Variants in PKD1L3 observed in about 807,000 individuals in gnomAD.
The protein encoded by PKD1L3 is polycystin-1-like protein 3.
PKD1L3 carries 239 observed loss-of-function variants against 184.1 expected under a neutral mutation model. The ratio of observed to expected loss-of-function variants is 1.30; its 90% CI spans 1.17 to 1.45. The LOEUF is 1.45. PKD1L3 is among the 40% of genes most tolerant of loss of function. PKD1L3 has a pLI of 0.00. For missense variants in PKD1L3, 2,660 were observed against 2,067.2 expected (o/e 1.29, Z -5.56); for synonymous variants, 996 against 778.8 (o/e 1.28, Z -4.64).
chr16:71,937,356 C>G lies in PKD1L3; in HGVS notation c.4388G>C (p.Cys1463Ser). ...FTSLQMSKKG[C>S]VWSIISQVIY... ...GACTTGTGAGATGATAGACCAGACA[C>G]AGCCCTTCTTTGACATCTGAAGGGA... Residue 1463 changes from cysteine to serine, a missense_variant, in exon 25 of 30, where the codon TGT becomes TCT. Cys to Ser is a moderately radical substitution (Grantham distance 112). Transcript: ENST00000620267. 1 of 1,551,698 alleles carries G rather than the reference C, an allele frequency of 6.4e-7. No homozygotes were observed. The highest frequency in any genetic ancestry group is 8.7e-7 in the Non-Finnish European group (1 of 1,146,984).
At chr16:71,954,846 T>C (rs1246977678) in intron 16 of PKD1L3, among the ~76,000 whole-genome samples, 1 of 152,114 alleles carries the variant, frequency 6.6e-6, no homozygotes, top group African/African-American at 2.4e-5. Context: ...GCTCCAGACC[T>C]GGAGGAAGGT....
At chr16:71,946,186 G>A (rs1026912533) in intron 22 of PKD1L3, among the ~76,000 whole-genome samples, 1 of 152,124 alleles carries the variant, frequency 6.6e-6, no homozygotes, top group Admixed American at 6.5e-5. Flanking sequence ...ACAAATGGAA[G>A]GCAGTTTAAA....
intron 13 of PKD1L3, 34 bp downstream of exon 13, chr16:71,969,841 C>A: frequency 6.6e-7 from 1 of 1,512,868 alleles, no homozygotes; most frequent in Non-Finnish European, 8.9e-7. Context: ...CTCAAAACAT[C>A]ATGGCAAATC....
In PKD1L3 at chr16:71,982,188, C is replaced by G. The variant is rs989638486; in HGVS notation, c.1014G>C (p.Arg338Ser). 2.6e-6 allele frequency: 4 copies of G among 1,549,978 alleles called. No individual in the cohort carries two copies. The African/African-American group carries it at 5.5e-5, about 21-fold the overall frequency. The change falls in exon 7 of 30, where the codon AGG (arginine) becomes AGC (serine). Residue 338 changes from arginine to serine, a missense_variant. By Grantham distance (110) the Arg-to-Ser change is moderately radical (BLOSUM62 -1). Transcript: ENST00000620267. ...GACTGTTGTTGTTCTGAAATGGGATCCTGAGTAACTCCTCACTCAGGTAAA... is the reference window on the plus strand; with the variant it reads ...GACTGTTGTTGTTCTGAAATGGGATGCTGAGTAACTCCTCACTCAGGTAAA... The part of the protein sequence containing the change: ...SLIYLSEELL[R>S]IPFQNNNSLG...
At chr16:71,975,836 G>T (rs1425659521) in intron 11 of PKD1L3, among the ~76,000 whole-genome samples, 1 of 152,180 alleles carries the variant, frequency 6.6e-6, no homozygotes, top group Non-Finnish European at 1.5e-5. Flanking sequence ...TGTAAACCTG[G>T]TGAAATCGGA....
chr16:71,967,276 G>A lies in PKD1L3; in HGVS notation c.2326C>T (p.Pro776Ser), dbSNP rs749437774. 17 of 1,551,622 alleles carry A rather than the reference G, an allele frequency of 1.1e-5. No individual in the cohort carries two copies. Among genetic ancestry groups the A allele is most frequent in the East Asian group, 2.4e-5 (1 of 40,920 alleles). The change falls in exon 15 of 30, where the codon CCC becomes TCC. Residue 776 changes from proline to serine, a missense_variant. Physicochemically the swap from Pro to Ser is moderately conservative, Grantham distance 74 (BLOSUM62 -1). Transcript: ENST00000620267. ...TTCTGGGGGTCACAGAGGTGATGGGGCTCACTCCGTCCCTCTGATCCATAG... is the reference window on the plus strand; with the variant it reads ...TTCTGGGGGTCACAGAGGTGATGGGACTCACTCCGTCCCTCTGATCCATAG... Reference protein sequence around the residue: ...TLYGSEGRSEPHHLCDPQKTV... With the variant: ...TLYGSEGRSESHHLCDPQKTV...
intron 29 of PKD1L3, 113 bp from the exon 30 acceptor site, chr16:71,929,791 T>A (rs970737871): frequency 1.2e-5 from 14 of 1,150,284 alleles, no homozygotes; most frequent in African/African-American, 3.1e-5. Context: ...AGATACTATT[T>A]CTTTAATAAT....
At chr16:71,946,036 G>A (rs1010117451) in intron 22 of PKD1L3, among the ~76,000 whole-genome samples, 2 of 152,120 alleles carry the variant, frequency 1.3e-5, no homozygotes, top group Non-Finnish European at 2.9e-5. Context: ...TTGGCTCACT[G>A]CAACCTCCGC....
chr16:71,979,272 C>T (rs994712867), intron 9 of PKD1L3, among the ~76,000 whole-genome samples: 3 of 152,028 alleles, frequency 2.0e-5, no homozygotes, highest in African/African-American at 4.8e-5. Context: ...GGCGAAACCC[C>T]GCCTCTACTA....
At chr16:71,984,532 G>C (rs930509361) in intron 5 of PKD1L3, among the ~76,000 whole-genome samples, 1 of 152,150 alleles carries the variant, frequency 6.6e-6, no homozygotes, top group African/African-American at 2.4e-5. Context: ...TTCCTCTCAG[G>C]CTTCCCTGTG....
In PKD1L3 at chr16:71,967,182, T is replaced by G. The variant is rs2039530487; in HGVS notation, c.2420A>C (p.His807Pro). Residue 807 changes from histidine (H) to proline (P), a missense_variant, in exon 15 of 30, where the codon CAC (histidine) becomes CCC (proline). Coordinates refer to ENST00000620267, the MANE Select transcript of PKD1L3 (RefSeq NM_181536.2). ...LTTWTSLGNLHSLRLWHDNSG... is the reference protein window; with the variant it reads ...LTTWTSLGNLPSLRLWHDNSG... ...ATTGTCATGCCAGAGCCGAAGGCTG[T>G]GCAGGTTCCCTAGAGAGGTCCAAGT... The G allele has an allele frequency of 6.4e-7, 1 of 1,551,702 alleles. No homozygotes were observed. Among genetic ancestry groups the G allele is most frequent in the South Asian group, 1.2e-5 (1 of 84,064 alleles).
chr16:71,954,184 C>T lies in PKD1L3; in HGVS notation c.2730G>A (p.Met910Ile), dbSNP rs1055126921. 19 of 1,551,800 alleles carry T rather than the reference C, an allele frequency of 1.2e-5. No homozygotes were observed. In the Middle Eastern group the frequency reaches 5.0e-4, roughly 41 times the overall value. Residue 910 changes from methionine to isoleucine, a missense_variant, in exon 17 of 30, where the codon ATG becomes ATA. Coordinates refer to ENST00000620267, the MANE Select transcript of PKD1L3 (RefSeq NM_181536.2). ...FTRVQRLSCC[M>I]TLLLCNMVIN... is the part of the protein sequence containing the mutation. The stretch of plus-strand genomic sequence containing the variant: ...TGACCATGTTGCAGAGTAGCAGTGT[C>T]ATGCAGCAAGACAGCCGTTGGACCC...
rs924740296 is a variant in PKD1L3 at position 71,942,626 on chromosome 16, G to C, written c.4258C>G (p.Pro1420Ala). 1 of 1,551,682 alleles carries C rather than the reference G, an allele frequency of 6.4e-7. No homozygotes were observed. The highest frequency in any genetic ancestry group is 8.7e-7 in the Non-Finnish European group (1 of 1,147,002). Residue 1420 changes from proline to alanine, a missense_variant, in exon 24 of 30, where the codon CCC (proline) becomes GCC (alanine). Transcript: ENST00000620267. Reference protein sequence around the residue: ...ICSPRPMVLIPTDELHERLTS... With the variant: ...ICSPRPMVLIATDELHERLTS... ...AGCCTTTCGTGAAGCTCATCAGTGG[G>C]AATCAGCACCATGGGCCTGGGTGAA...
chr16:71,996,248 C>T (rs1175171248), intron 2 of PKD1L3, among the ~76,000 whole-genome samples: 1 of 140,612 alleles, frequency 7.1e-6, no homozygotes, highest in Non-Finnish European at 1.5e-5. Flanking sequence ...ACCCACCTCC[C>T]CCGCCTTTTT....
In PKD1L3 at chr16:71,981,978, G is replaced by A. The variant is rs114892744; in HGVS notation, c.1143+81C>T. 1,034 of 1,340,498 alleles carry A rather than the reference G, an allele frequency of 7.7e-4. 4 individuals carry two copies. In the African/African-American group the frequency reaches 0.014, roughly 18 times the overall value. 83.0% of individuals were successfully genotyped at this position (1,340,498 alleles called of 1,614,324 possible). A position where few individuals can be genotyped will look rare whatever the true frequency, so the allele number is the denominator to read the frequency against. On this transcript the variant is annotated intron_variant, in intron 7 of 29. Transcript: ENST00000620267. Reference sequence around the variant, plus strand: ...TCAGCAAGATTATCTTTAAAGGTCTGGGGAGAGGCTGTGATACCTGGACCT... The same window carrying A: ...TCAGCAAGATTATCTTTAAAGGTCTAGGGAGAGGCTGTGATACCTGGACCT...
intron 27 of PKD1L3, 61 bp downstream of exon 27, chr16:71,933,854 A>G: frequency 1.3e-6 from 2 of 1,515,072 alleles, no homozygotes; most frequent in Non-Finnish European, 9.0e-7. Context: ...TTCTATGGGA[A>G]GCGATGCGAT....
rs577138432 is a variant in PKD1L3, at chr16:71,975,870, G to A, written c.1759+1366C>T. ...GAATAAAATCAGTGATTGTATTAATGTTATTTTCTGGTTGTGATATACTCT... is the reference window on the plus strand; with the variant it reads ...GAATAAAATCAGTGATTGTATTAATATTATTTTCTGGTTGTGATATACTCT... On this transcript the variant is annotated intron_variant, in intron 11 of 29. Transcript: ENST00000620267. 1.8e-4 allele frequency among the ~76,000 whole-genome samples: 27 copies of A among 152,082 alleles called. No individual in the cohort carries two copies. In the South Asian group the frequency reaches 5.6e-3, roughly 32 times the overall value.
intron 25 of PKD1L3, among the ~76,000 whole-genome samples, chr16:71,936,508 C>CTT (rs1212505095): frequency 4.4e-5 from 6 of 135,562 alleles, no homozygotes; most frequent in Admixed American, 7.5e-5. Context: ...TGGCCAATCA[C>CTT]TTTTTTTTTT....
chr16:71,987,681 C>T (rs1417387773), intron 4 of PKD1L3, among the ~76,000 whole-genome samples: 1 of 151,914 alleles, frequency 6.6e-6, no homozygotes, highest in Non-Finnish European at 1.5e-5. Flanking sequence ...GGCCTTTTTT[C>T]ACTTTTTTAG....
Sources: allele counts gnomAD v4.1 joint callset (sites outside exome capture counted in the v4.1 genomes callset), GRCh38; gene constraint gnomAD v4.1.1; transcripts MANE v1.5; gene names NCBI Gene and HGNC (gene_info 2026-07-23, HGNC 2026-07-21).